Variants in LRP1B observed in about 807,000 individuals in gnomAD.
LRP1B encodes LDL receptor related protein 1B.
In LRP1B, 217 loss-of-function variants were observed where a neutral mutation model predicts 556.6. The ratio of observed to expected loss-of-function variants is 0.39; its 90% CI spans 0.35 to 0.44. LRP1B has a LOEUF of 0.44. Ranked by LOEUF, LRP1B falls within the 20% of genes least tolerant of loss-of-function variation. The pLI is 1.00. For missense variants in LRP1B, 5,053 were observed against 5,620.8 expected (o/e 0.90, Z 3.23); for synonymous variants, 2,047 against 1,865.8 (o/e 1.10, Z -2.50).
At chr2:141,645,891 T>C (rs1689545521) in intron 2 of LRP1B, among the ~76,000 whole-genome samples, 1 of 152,238 alleles carries the variant, frequency 6.6e-6, no homozygotes, top group South Asian at 2.1e-4. Flanking sequence ...TGCTAAGATT[T>C]AGTGCATTTT....
intron 66 of LRP1B, among the ~76,000 whole-genome samples, chr2:140,439,068 A>T (rs1305007876): frequency 6.6e-6 from 1 of 152,216 alleles, no homozygotes; most frequent in Non-Finnish European, 1.5e-5. Context: ...AATTTTAGAA[A>T]AGTTACAACT....
intron 3 of LRP1B, among the ~76,000 whole-genome samples, chr2:141,282,561 A>G (rs1287627973): frequency 2.6e-5 from 4 of 151,702 alleles, no homozygotes; most frequent in Non-Finnish European, 5.9e-5. Flanking sequence ...ATATACAGGT[A>G]TATAATAGGT....
At chr2:142,113,912 A>T (rs1445631647) in intron 1 of LRP1B, among the ~76,000 whole-genome samples, 1 of 152,138 alleles carries the variant, frequency 6.6e-6, no homozygotes. Flanking sequence ...CACTGGAAAC[A>T]TCACTAACTG....
intron 3 of LRP1B, among the ~76,000 whole-genome samples, chr2:141,378,538 T>C (rs1194927638): frequency 6.6e-6 from 1 of 152,136 alleles, no homozygotes; most frequent in African/African-American, 2.4e-5. Context: ...TGGTAGCTCA[T>C]GCCTGTTGTA....
At chr2:141,949,883 T>C (rs1701059554) in intron 1 of LRP1B, among the ~76,000 whole-genome samples, 1 of 152,190 alleles carries the variant, frequency 6.6e-6, no homozygotes. Context: ...TTTGAGAGGA[T>C]TATTTTTCAA....
chr2:141,792,766 G>C (rs932319294), intron 2 of LRP1B, among the ~76,000 whole-genome samples: 14 of 151,938 alleles, frequency 9.2e-5, no homozygotes, highest in African/African-American at 3.1e-4. Context: ...CACAGGGAAC[G>C]AATAGTGTAA....
intron 1 of LRP1B, among the ~76,000 whole-genome samples, chr2:141,978,809 C>T (rs995916082): frequency 1.3e-5 from 2 of 151,890 alleles, no homozygotes; most frequent in East Asian, 1.9e-4. Context: ...TTTGTTTTTA[C>T]ATTTGTTCTT....
At chr2:140,305,688 T>C (rs531379102) in intron 83 of LRP1B, among the ~76,000 whole-genome samples, 2 of 152,308 alleles carry the variant, frequency 1.3e-5, no homozygotes, top group South Asian at 2.1e-4. Flanking sequence ...TGCAACACTA[T>C]GTTGAATAGG....
intron 3 of LRP1B, among the ~76,000 whole-genome samples, chr2:141,273,381 C>T (rs533504398): frequency 6.6e-6 from 1 of 151,936 alleles, no homozygotes; most frequent in Non-Finnish European, 1.5e-5. Flanking sequence ...CATAAAGATG[C>T]ACACATAGAT....
At chr2:140,459,849 A>T (rs1457034814) in intron 60 of LRP1B, among the ~76,000 whole-genome samples, 1 of 151,894 alleles carries the variant, frequency 6.6e-6, no homozygotes, top group African/African-American at 2.4e-5. Flanking sequence ...TCACGAGATA[A>T]GTGTGTAGCA....
intron 3 of LRP1B, among the ~76,000 whole-genome samples, chr2:141,366,714 C>G (rs1689048219): frequency 6.6e-6 from 1 of 152,124 alleles, no homozygotes; most frequent in Non-Finnish European, 1.5e-5. Context: ...AGATGAAGAA[C>G]AAAAGCTTTA....
intron 3 of LRP1B, among the ~76,000 whole-genome samples, chr2:141,273,561 C>T (rs139982128): frequency 3.3e-5 from 5 of 152,180 alleles, no homozygotes; most frequent in African/African-American, 9.6e-5. Flanking sequence ...CTTCCTATGC[C>T]ACATACAAAA....
chr2:141,113,436 G>T (rs1007928755), intron 7 of LRP1B, among the ~76,000 whole-genome samples: 7 of 152,108 alleles, frequency 4.6e-5, no homozygotes, highest in African/African-American at 1.7e-4. Context: ...CTGAATAAAG[G>T]TTCTTTTAAA....
At chr2:140,853,522 C>T (rs1225327897) in intron 27 of LRP1B, among the ~76,000 whole-genome samples, 2 of 151,852 alleles carry the variant, frequency 1.3e-5, no homozygotes, top group Admixed American at 1.3e-4. Flanking sequence ...AAATAGCAGT[C>T]CTGTGGTGTT....
intron 18 of LRP1B, among the ~76,000 whole-genome samples, chr2:140,957,551 A>G (rs1695910780): frequency 6.6e-6 from 1 of 151,734 alleles, no homozygotes; most frequent in Non-Finnish European, 1.5e-5. Context: ...GACAATCAGG[A>G]ATGTTAGGTA....
At chr2:141,700,043 A>T (rs1691882364) in intron 2 of LRP1B, among the ~76,000 whole-genome samples, 1 of 151,514 alleles carries the variant, frequency 6.6e-6, no homozygotes, top group African/African-American at 2.4e-5. Flanking sequence ...AGAACTAAAG[A>T]GAACTTTAGA....
intron 89 of LRP1B, among the ~76,000 whole-genome samples, chr2:140,237,807 G>T (rs185148634): frequency 1.7e-3 from 258 of 150,842 alleles, no homozygotes; most frequent in Middle Eastern, 6.8e-3. Context: ...ACAATTTGCT[G>T]TGTGATATCA....
intron 41 of LRP1B, among the ~76,000 whole-genome samples, chr2:140,694,854 G>T (rs1178907816): frequency 3.3e-5 from 5 of 151,752 alleles, no homozygotes; most frequent in Admixed American, 1.3e-4. Flanking sequence ...TATCAATAAA[G>T]ATTACTTTTT....
At chr2:142,116,087 T>C (rs955411803) in intron 1 of LRP1B, among the ~76,000 whole-genome samples, 3 of 143,670 alleles carry the variant, frequency 2.1e-5, no homozygotes, top group Non-Finnish European at 4.5e-5. Flanking sequence ...TGCGGTTGCA[T>C]ATGCCTGTAG....
Sources: gnomAD v4.1 joint callset for allele counts (sites outside exome capture counted in the v4.1 genomes callset) on GRCh38, gnomAD v4.1.1 for gene constraint, MANE v1.5 for transcripts, NCBI Gene and HGNC (gene_info 2026-07-23, HGNC 2026-07-21) for gene names.